PHLPP1: variants seen among roughly 807,000 people sequenced by gnomAD.
PHLPP1 encodes PH domain leucine-rich repeat-containing protein phosphatase 1.
In PHLPP1, 42 loss-of-function variants were observed where a neutral mutation model predicts 117.2. The ratio of observed to expected loss-of-function variants is 0.36; its 90% CI spans 0.28 to 0.46. The LOEUF is 0.46. PHLPP1 is among the 20% of genes least tolerant of loss of function. PHLPP1 has a pLI of 1.00. For synonymous variants in PHLPP1, 1,042 were observed against 970.7 expected (o/e 1.07, Z -1.37); for missense variants, 2,084 against 2,241.9 (o/e 0.93, Z 1.42).
chr18:62,898,743 G>A (rs369388416), intron 6 of PHLPP1, among the ~76,000 whole-genome samples: 7 of 152,014 alleles, frequency 4.6e-5, no homozygotes, highest in Admixed American at 2.6e-4. Flanking sequence ...ACTGCATTAC[G>A]AGTTGATTCT....
At chr18:62,869,580 G>A (rs1477567883) in intron 4 of PHLPP1, among the ~76,000 whole-genome samples, 1 of 152,106 alleles carries the variant, frequency 6.6e-6, no homozygotes, top group African/African-American at 2.4e-5. Flanking sequence ...GATCTAAATG[G>A]AGCACACAAT....
Position 62,894,979 on chromosome 18 carries a change from T to C in PHLPP1, c.2067-32T>C, listed in dbSNP as rs777470399. The C allele has an allele frequency of 1.3e-5, 20 of 1,534,488 alleles. No homozygotes were observed. In the African/African-American group the frequency reaches 2.6e-4, roughly 20 times the overall value. The stretch of plus-strand genomic sequence containing the variant: ...TATGATGTTAATGACATTTGTCTCT[T>C]TTTTCCCTTTTGTTTTGCTTTATTG... On this transcript the variant is annotated intron_variant, in intron 4 of 16. Coordinates refer to ENST00000262719, the MANE Select transcript of PHLPP1 (RefSeq NM_194449.4).
rs1273442243 is a variant in PHLPP1, at chr18:62,957,454, C to CT, written c.3325-1164dup. On this transcript the variant is annotated intron_variant, in intron 12 of 16. Transcript: ENST00000262719. ...GTAGGATCCATACTTGACTCAGCCC[C>CT]TTTTTTTTTTTGACACAGATTAGGC... Among the ~76,000 whole-genome samples, 327 of 146,016 alleles carry CT rather than the reference C, an allele frequency of 2.2e-3. 1 individual carries two copies. Among genetic ancestry groups the CT allele is most frequent in the Middle Eastern group, 7.2e-3 (2 of 278 alleles).
At chr18:62,967,324 C>T (rs1910930764) in intron 14 of PHLPP1, among the ~76,000 whole-genome samples, 1 of 152,196 alleles carries the variant, frequency 6.6e-6, no homozygotes, top group Non-Finnish European at 1.5e-5. Flanking sequence ...AACTGCCAAA[C>T]TGTTTCCAAA....
chr18:62,775,858 A>G lies in PHLPP1; in HGVS notation c.1577-54177A>G, dbSNP rs1324270494. 2.0e-5 allele frequency among the ~76,000 whole-genome samples: 3 copies of G among 152,026 alleles called. No homozygotes were observed. In the East Asian group the frequency reaches 5.8e-4, roughly 29 times the overall value. The stretch of plus-strand genomic sequence containing the variant: ...ACTTTGCAATGTTTATCCTCTATCT[A>G]CCCTTGACCTAGGGAACCAAGTTCA... On this transcript the variant is annotated intron_variant, in intron 1 of 16. Transcript: ENST00000262719.
At chr18:62,770,716 G>A (rs1037779374) in intron 1 of PHLPP1, among the ~76,000 whole-genome samples, 1 of 151,452 alleles carries the variant, frequency 6.6e-6, no homozygotes. Context: ...GGAACCGGAA[G>A]TGTTTTGGAT....
At chr18:62,963,318 C>A in intron 13 of PHLPP1, 50 bp from the exon 14 acceptor site, 1 of 1,246,416 alleles carries the variant, frequency 8.0e-7, no homozygotes, top group Non-Finnish European at 1.2e-6. Flanking sequence ...TAGCAATTTG[C>A]ACACATTTGG....
intron 14 of PHLPP1, among the ~76,000 whole-genome samples, chr18:62,967,202 A>G (rs541623004): frequency 1.2e-3 from 177 of 152,370 alleles, no homozygotes; most frequent in Non-Finnish European, 2.2e-3. Context: ...TACAGGTTGC[A>G]AACAGTTACA....
In PHLPP1 at chr18:62,896,129, A is replaced by C. The variant is rs987730916; in HGVS notation, c.2444+118A>C. The C allele has an allele frequency of 1.3e-5, 8 of 634,452 alleles. No individual in the cohort carries two copies. The African/African-American group carries it at 1.5e-4, about 12-fold the overall frequency. 39.3% of individuals were successfully genotyped at this position (634,452 alleles called of 1,614,324 possible). ...TAATTGAATGTGGGCCCGTTTTTCT[A>C]TTTCTGCCTAGAGGGAAGAATTATG... On this transcript the variant is annotated intron_variant, in intron 6 of 16. Transcript: ENST00000262719.
At chr18:62,757,758 T>G (rs1912072793) in intron 1 of PHLPP1, among the ~76,000 whole-genome samples, 1 of 152,256 alleles carries the variant, frequency 6.6e-6, no homozygotes, top group South Asian at 2.1e-4. Context: ...TGGGCCACCC[T>G]TGTGCTGTTT....
chr18:62,778,288 A>G (rs1330972896), intron 1 of PHLPP1, among the ~76,000 whole-genome samples: 1 of 152,156 alleles, frequency 6.6e-6, no homozygotes, highest in Non-Finnish European at 1.5e-5. Flanking sequence ...AGCGCTGGAA[A>G]TCATTGACTT....
chr18:62,838,998 G>T, intron 3 of PHLPP1, 89 bp downstream of exon 3: 1 of 1,361,596 alleles, frequency 7.3e-7, no homozygotes, highest in Non-Finnish European at 1.0e-6. Context: ...AATATGGTTA[G>T]TTACACACAC....
chr18:62,893,658 A>G (rs751726721), intron 4 of PHLPP1, among the ~76,000 whole-genome samples: 9 of 152,206 alleles, frequency 5.9e-5, no homozygotes, highest in Non-Finnish European at 1.2e-4. Flanking sequence ...TCTTCTAGGC[A>G]GAGTGCATAC....
chr18:62,745,094 C>T (rs1219324583), intron 1 of PHLPP1, among the ~76,000 whole-genome samples: 1 of 152,190 alleles, frequency 6.6e-6, no homozygotes, highest in South Asian at 2.1e-4. Context: ...AATTTTAATA[C>T]CATTGCATTT....
At chr18:62,900,433 CTTTTTT>C (rs774225759) in intron 6 of PHLPP1, among the ~76,000 whole-genome samples, 3 of 54,258 alleles carry the variant, frequency 5.5e-5, no homozygotes, top group South Asian at 7.5e-4. Flanking sequence ...CTTTTTCTTT[CTTTTTT>C]TTTTTTTTTT....
chr18:62,867,507 T>G (rs1915798328), intron 4 of PHLPP1, among the ~76,000 whole-genome samples: 2 of 152,254 alleles, frequency 1.3e-5, no homozygotes, highest in Non-Finnish European at 2.9e-5. Flanking sequence ...TTTCCTTTCT[T>G]GTGCTGGCTT....
chr18:62,778,217 A>G (rs1018411536), intron 1 of PHLPP1, among the ~76,000 whole-genome samples: 2 of 152,182 alleles, frequency 1.3e-5, no homozygotes, highest in African/African-American at 4.8e-5. Flanking sequence ...CTCCTAGACC[A>G]TTGTGATACA....
intron 1 of PHLPP1, among the ~76,000 whole-genome samples, chr18:62,752,402 A>G (rs1265942146): frequency 1.3e-5 from 2 of 152,258 alleles, no homozygotes; most frequent in Non-Finnish European, 2.9e-5. Context: ...TCTCTTCTGC[A>G]TGGTCTTTAA....
At chr18:62,843,462 A>G (rs1307123064) in intron 3 of PHLPP1, among the ~76,000 whole-genome samples, 1 of 152,210 alleles carries the variant, frequency 6.6e-6, no homozygotes, top group Non-Finnish European at 1.5e-5. Context: ...GGGAAAATTT[A>G]TAGTTTATTA....
Sources: gnomAD v4.1 joint callset for allele counts (sites outside exome capture counted in the v4.1 genomes callset) on GRCh38, gnomAD v4.1.1 for gene constraint, MANE v1.5 for transcripts, NCBI Gene and HGNC (gene_info 2026-07-23, HGNC 2026-07-21) for gene names.